NELL1: variants seen among roughly 807,000 people sequenced by gnomAD.
NELL1 encodes protein kinase C-binding protein NELL1.
NELL1 carries 76 observed loss-of-function variants against 107.4 expected under a neutral mutation model. The observed-to-expected ratio is 0.71, with a 90% confidence interval of 0.59 to 0.86. NELL1 has a LOEUF of 0.86. NELL1 is among the 40% of genes least tolerant of loss of function. The pLI is 0.00. For missense variants in NELL1, 1,024 were observed against 1,005.5 expected, an observed-to-expected ratio of 1.02 and a Z score of -0.25; for synonymous variants, 353 against 341.2, an observed-to-expected ratio of 1.03 and a Z score of -0.38.
chr11:21,366,871 A>T (rs1269496095), intron 14 of NELL1, among the ~76,000 whole-genome samples: 1 of 152,130 alleles, frequency 6.6e-6, no homozygotes, highest in Non-Finnish European at 1.5e-5. Flanking sequence ...AATAAACTTT[A>T]AGAAGATTAT....
In NELL1 at chr11:21,573,222, A is replaced by C. The variant is rs1441279125; in HGVS notation, c.2195A>C (p.Asn732Thr). The C allele has an allele frequency of 1.2e-6, 2 of 1,612,156 alleles. No individual in the cohort carries two copies. Among genetic ancestry groups the C allele is most frequent in the Admixed American group, 3.3e-5 (2 of 59,826 alleles). The change falls in exon 19 of 20, where the codon AAC becomes ACC. Residue 732 changes from asparagine to threonine, a missense_variant. Asn to Thr is a moderately conservative substitution (Grantham distance 65). Coordinates refer to ENST00000357134, the MANE Select transcript of NELL1 (RefSeq NM_006157.5). ...EVDCWPLTCPNLSCEYTAILE... is the reference protein window; with the variant it reads ...EVDCWPLTCPTLSCEYTAILE... ...GATTGCTGGCCACTCACTTGCCCCAACTTGAGCTGTGAGTATACAGCTATC... is the reference window on the plus strand; with the variant it reads ...GATTGCTGGCCACTCACTTGCCCCACCTTGAGCTGTGAGTATACAGCTATC...
Position 21,006,411 on chromosome 11 carries a change from A to T in NELL1, c.1300+45851A>T, listed in dbSNP as rs536978971. Among the ~76,000 whole-genome samples, 8 of 152,174 alleles carry T rather than the reference A, an allele frequency of 5.3e-5. No individual in the cohort carries two copies. The South Asian group carries it at 1.7e-3, about 32-fold the overall frequency. ...AACCTTGGACTTTTCAGACTCTAGAACTGTAAAAAGTAAATTTCTTTTTCT... is the reference window on the plus strand; with the variant it reads ...AACCTTGGACTTTTCAGACTCTAGATCTGTAAAAAGTAAATTTCTTTTTCT... On this transcript the variant is annotated intron_variant, in intron 12 of 19. Transcript: ENST00000357134.
chr11:20,790,954 C>A (rs937389869), intron 3 of NELL1, among the ~76,000 whole-genome samples: 11 of 152,304 alleles, frequency 7.2e-5, no homozygotes, highest in Admixed American at 4.6e-4. Flanking sequence ...ATATGTTTAT[C>A]CATATGGAAG....
intron 14 of NELL1, among the ~76,000 whole-genome samples, chr11:21,296,261 A>T (rs760537216): frequency 2.6e-5 from 4 of 151,984 alleles, no homozygotes; most frequent in Non-Finnish European, 5.9e-5. Context: ...ATGCCAGCTT[A>T]TGATTTTAAT....
At chr11:20,757,172 T>A (rs1360241920) in intron 2 of NELL1, among the ~76,000 whole-genome samples, 1 of 152,134 alleles carries the variant, frequency 6.6e-6, no homozygotes, top group Non-Finnish European at 1.5e-5. Flanking sequence ...GTTTTTTTTT[T>A]TTAAATATAA....
intron 14 of NELL1, among the ~76,000 whole-genome samples, chr11:21,313,176 C>T (rs909227627): frequency 2.0e-5 from 3 of 152,108 alleles, no homozygotes; most frequent in African/African-American, 7.2e-5. Flanking sequence ...TCTTAAAAAG[C>T]ATCAAATTCA....
In NELL1 at chr11:20,783,346, C is replaced by T. The variant is rs540381303; in HGVS notation, c.185-334C>T. ...CAGCAAACTGAATTGCTCAGCGTCC[C>T]GTCAAAATTCCTGCCAGAAAATCAC... On this transcript the variant is annotated intron_variant, in intron 2 of 19. Coordinates refer to ENST00000357134, the MANE Select transcript of NELL1 (RefSeq NM_006157.5). Among the ~76,000 whole-genome samples, 15 of 152,154 alleles carry T rather than the reference C, an allele frequency of 9.9e-5. 1 individual carries two copies. In the South Asian group the frequency reaches 1.0e-3, roughly 11 times the overall value.
At chr11:21,053,970 AT>A (rs1390930669) in intron 12 of NELL1, among the ~76,000 whole-genome samples, 1 of 152,108 alleles carries the variant, frequency 6.6e-6, no homozygotes, top group African/African-American at 2.4e-5. Context: ...CCCATTCACT[AT>A]TTTGTAGGTT....
chr11:21,463,492 G>A (rs1339645049), intron 15 of NELL1, among the ~76,000 whole-genome samples: 1 of 152,046 alleles, frequency 6.6e-6, no homozygotes, highest in African/African-American at 2.4e-5. Flanking sequence ...CTGTTCTTCA[G>A]GGACTGAATT....
At chr11:21,242,062 T>G (rs1858376436) in intron 14 of NELL1, among the ~76,000 whole-genome samples, 1 of 152,030 alleles carries the variant, frequency 6.6e-6, no homozygotes, top group South Asian at 2.1e-4. Context: ...ATTTTCAAAT[T>G]TTTTTCTCAC....
At chr11:21,040,983 G>T (rs1373939077) in intron 12 of NELL1, among the ~76,000 whole-genome samples, 2 of 152,146 alleles carry the variant, frequency 1.3e-5, no homozygotes, top group South Asian at 2.1e-4. Context: ...TGGCTTTCCA[G>T]CTTTCCTTTG....
chr11:20,862,590 T>G (rs1288086418), intron 4 of NELL1, among the ~76,000 whole-genome samples: 1 of 149,154 alleles, frequency 6.7e-6, no homozygotes, highest in Non-Finnish European at 1.5e-5. Context: ...GCCCTAAAAA[T>G]CTTTTGAGCT....
chr11:21,423,426 T>C (rs527449256), intron 15 of NELL1, among the ~76,000 whole-genome samples: 2 of 151,896 alleles, frequency 1.3e-5, no homozygotes, highest in Non-Finnish European at 2.9e-5. Context: ...CAATATAACA[T>C]GAATATATAA....
intron 12 of NELL1, among the ~76,000 whole-genome samples, chr11:21,051,960 G>A (rs1483184726): frequency 6.6e-6 from 1 of 152,090 alleles, no homozygotes; most frequent in Admixed American, 6.6e-5. Flanking sequence ...AAGATGACAA[G>A]TGTGGATGAG....
chr11:20,807,423 C>T (rs181352399), intron 3 of NELL1, among the ~76,000 whole-genome samples: 8 of 152,336 alleles, frequency 5.3e-5, no homozygotes, highest in Admixed American at 5.2e-4. Flanking sequence ...CTCTCTCTCT[C>T]TGTTCTGAGG....
In NELL1 at chr11:21,534,364, T is replaced by C. The variant is rs767459646; in HGVS notation, c.1646-10T>C. The C allele has an allele frequency of 3.1e-6, 5 of 1,613,612 alleles. No individual in the cohort carries two copies. The East Asian group carries it at 1.1e-4, about 36-fold the overall frequency. The stretch of plus-strand genomic sequence containing the variant: ...ATATCCTGGTGGGCTTGTGTTTTTC[T>C]CTGAGGCAGATATTGATGAATGTTC... On this transcript the variant is annotated splice_polypyrimidine_tract_variant and intron_variant, in intron 15 of 19. Transcript: ENST00000357134.
At chr11:21,441,873 C>CAAGA (rs1171815991) in intron 15 of NELL1, among the ~76,000 whole-genome samples, 1 of 152,082 alleles carries the variant, frequency 6.6e-6, no homozygotes, top group Non-Finnish European at 1.5e-5. Flanking sequence ...ATTTGATTAA[C>CAAGA]AAGAGCCTGA....
chr11:20,914,118 G>T (rs1850193967), intron 5 of NELL1, among the ~76,000 whole-genome samples: 1 of 152,084 alleles, frequency 6.6e-6, no homozygotes, highest in African/African-American at 2.4e-5. Flanking sequence ...GTTTTGGAGT[G>T]TTAATCGAAA....
At chr11:20,972,344 G>C (rs1234064402) in intron 12 of NELL1, among the ~76,000 whole-genome samples, 1 of 152,122 alleles carries the variant, frequency 6.6e-6, no homozygotes, top group East Asian at 1.9e-4. Flanking sequence ...ATATTGTTCA[G>C]GGTGTGTGTC....
Sources: allele counts gnomAD v4.1 joint callset (sites outside exome capture counted in the v4.1 genomes callset), GRCh38; gene constraint gnomAD v4.1.1; transcripts MANE v1.5; gene names NCBI Gene and HGNC (gene_info 2026-07-23, HGNC 2026-07-21).